Variants in PDE4D observed in about 807,000 individuals in gnomAD.
PDE4D encodes the protein phosphodiesterase 4D.
Under a neutral mutation model 87.4 loss-of-function variants are expected in PDE4D, and 24 were observed. That is an observed-to-expected ratio of 0.27 (90% CI 0.20 to 0.39). The LOEUF (loss-of-function observed/expected upper bound fraction) is 0.39, where lower values mean the gene tolerates loss of function less well. Ranked by LOEUF, PDE4D falls within the 10% of genes least tolerant of loss-of-function variation. PDE4D has a pLI of 1.00. For missense variants in PDE4D, 714 were observed against 1,041.0 expected (o/e 0.69, Z 4.32); for synonymous variants, 384 against 383.2 (o/e 1.00, Z -0.02).
At chr5:60,373,122 G>A (rs966930516) in intron 1 of PDE4D, among the ~76,000 whole-genome samples, 1 of 152,198 alleles carries the variant, frequency 6.6e-6, no homozygotes, top group African/African-American at 2.4e-5. Context: ...TTCTAGATTA[G>A]CTGTCTCAGA....
chr5:60,293,645 C>CT (rs1004886392), intron 1 of PDE4D, among the ~76,000 whole-genome samples: 6 of 152,250 alleles, frequency 3.9e-5, no homozygotes, highest in African/African-American at 1.4e-4. Flanking sequence ...TTCCCTTTTT[C>CT]TAACCTAAGT....
chr5:59,518,393 A>C (rs1345825857), intron 1 of PDE4D, among the ~76,000 whole-genome samples: 1 of 152,014 alleles, frequency 6.6e-6, no homozygotes, highest in Non-Finnish European at 1.5e-5. Flanking sequence ...CTGAGTCATG[A>C]TGAATACAAC....
Position 59,787,237 on chromosome 5 carries a change from G to A in PDE4D, c.455+105931C>T, listed in dbSNP as rs1483691341. On this transcript the variant is annotated intron_variant, in intron 1 of 14. Coordinates refer to ENST00000340635, the MANE Select transcript of PDE4D (RefSeq NM_001104631.2). ...GCCTTATACCAAGGCTTTCACTACC[G>A]GATTCACAGCTCTGTAACTTCGTCT... 3.3e-5 allele frequency among the ~76,000 whole-genome samples: 5 copies of A among 152,092 alleles called. No individual in the cohort carries two copies. The East Asian group carries it at 5.8e-4, about 18-fold the overall frequency.
In PDE4D at chr5:60,377,171, T is replaced by C. The variant is rs553402147; in HGVS notation, c.-90+110771A>G. Among the ~76,000 whole-genome samples, 7 of 152,342 alleles carry C rather than the reference T, an allele frequency of 4.6e-5. No homozygotes were observed. The South Asian group carries it at 8.3e-4, about 18-fold the overall frequency. On this transcript the variant is annotated intron_variant, in intron 1 of 16. Transcript: ENST00000502484. Reference sequence around the variant, plus strand: ...CTATAGCATTCCTCACAATACAGTTTATTGTCACTGCCTATTTCTGTATTC... The same window carrying C: ...CTATAGCATTCCTCACAATACAGTTCATTGTCACTGCCTATTTCTGTATTC...
chr5:60,192,015 A>G (rs995212232), intron 1 of PDE4D, among the ~76,000 whole-genome samples: 1 of 152,148 alleles, frequency 6.6e-6, no homozygotes, highest in Non-Finnish European at 1.5e-5. Context: ...ATATATATAT[A>G]TTTAAGTTTG....
chr5:60,115,808 T>C (rs1043905242), intron 2 of PDE4D, among the ~76,000 whole-genome samples: 1 of 152,114 alleles, frequency 6.6e-6, no homozygotes, highest in Non-Finnish European at 1.5e-5. Flanking sequence ...TATTCAGTGC[T>C]TTTAAAAAAG....
intron 5 of PDE4D, among the ~76,000 whole-genome samples, chr5:59,102,808 G>T (rs930358781): frequency 8.5e-5 from 13 of 152,204 alleles, no homozygotes; most frequent in African/African-American, 3.1e-4. Flanking sequence ...TTTAACAAGG[G>T]CATGGGTTTG....
chr5:59,537,633 A>T lies in PDE4D; in HGVS notation c.456-321665T>A, dbSNP rs558541249. On this transcript the variant is annotated intron_variant, in intron 1 of 14. Transcript: ENST00000340635. ...GAAAATGTTAGGTGAAACTTTGCAG[A>T]ATCATTTATAATTTATATGAGATTT... 2.6e-5 allele frequency among the ~76,000 whole-genome samples: 4 copies of T among 152,340 alleles called. No homozygotes were observed. The South Asian group carries it at 8.3e-4, about 32-fold the overall frequency.
intron 1 of PDE4D, chr5:59,768,685 C>T: frequency 8.2e-6 from 12 of 1,456,108 alleles, no homozygotes; most frequent in Non-Finnish European, 1.1e-5. Flanking sequence ...CGAGCGCACT[C>T]CTCCGCGGAA....
intron 2 of PDE4D, among the ~76,000 whole-genome samples, chr5:60,144,335 G>A (rs1780815425): frequency 6.6e-6 from 1 of 152,314 alleles, no homozygotes; most frequent in East Asian, 1.9e-4. Flanking sequence ...ACTGTCAACA[G>A]AAATCCCATA....
intron 5 of PDE4D, among the ~76,000 whole-genome samples, chr5:59,121,830 A>G (rs901505885): frequency 1.3e-5 from 2 of 152,186 alleles, no homozygotes; most frequent in African/African-American, 2.4e-5. Flanking sequence ...GGGTCCCTCA[A>G]CAGATGAATG....
chr5:60,088,135 A>G (rs1774728850), intron 2 of PDE4D, among the ~76,000 whole-genome samples: 1 of 150,934 alleles, frequency 6.6e-6, no homozygotes, highest in African/African-American at 2.5e-5. Context: ...AAAGCCAGCT[A>G]AGAATACTAT....
At chr5:60,183,160 A>G (rs1477342242) in intron 2 of PDE4D, among the ~76,000 whole-genome samples, 3 of 152,194 alleles carry the variant, frequency 2.0e-5, no homozygotes, top group African/African-American at 7.2e-5. Flanking sequence ...CCAGGACGAG[A>G]GAGCTTACCA....
intron 1 of PDE4D, among the ~76,000 whole-genome samples, chr5:59,849,391 T>A (rs967512365): frequency 6.6e-6 from 1 of 151,878 alleles, no homozygotes; most frequent in African/African-American, 2.4e-5. Flanking sequence ...AGACATGAAG[T>A]TTTAATATTT....
intron 5 of PDE4D, among the ~76,000 whole-genome samples, chr5:59,043,851 C>T (rs142855525): frequency 0.053 from 8,115 of 152,102 alleles, 736 homozygotes; most frequent in African/African-American, 0.18. Flanking sequence ...TGATGGTTTC[C>T]AATTTCATCC....
intron 11 of PDE4D, among the ~76,000 whole-genome samples, chr5:58,984,776 T>G (rs1013479309): frequency 6.6e-6 from 1 of 152,226 alleles, no homozygotes; most frequent in Admixed American, 6.5e-5. Context: ...CAAAAATAAT[T>G]CATTTGCCAA....
intron 1 of PDE4D, among the ~76,000 whole-genome samples, chr5:59,770,154 A>G (rs994308351): frequency 6.6e-6 from 1 of 152,228 alleles, no homozygotes. Flanking sequence ...TCTTATTCTC[A>G]TAATTTTTAC....
intron 1 of PDE4D, among the ~76,000 whole-genome samples, chr5:60,374,492 A>G (rs1466599841): frequency 2.0e-5 from 3 of 152,242 alleles, no homozygotes; most frequent in Non-Finnish European, 4.4e-5. Context: ...CCGAAGAATA[A>G]TTCGGTCTGA....
At chr5:60,433,662 G>A (rs983390025) in intron 1 of PDE4D, among the ~76,000 whole-genome samples, 2 of 152,100 alleles carry the variant, frequency 1.3e-5, no homozygotes, top group African/African-American at 4.8e-5. Context: ...CAAAGACAAG[G>A]TATCAACCAA....
Sources: allele counts gnomAD v4.1 joint callset (sites outside exome capture counted in the v4.1 genomes callset), GRCh38; gene constraint gnomAD v4.1.1; transcripts MANE v1.5; gene names NCBI Gene and HGNC (gene_info 2026-07-23, HGNC 2026-07-21).